Variants in TTC28 observed in about 807,000 individuals in gnomAD.
TTC28 encodes the protein tetratricopeptide repeat protein 28.
TTC28 carries 61 observed loss-of-function variants against 198.0 expected under a neutral mutation model. The ratio of observed to expected loss-of-function variants is 0.31; its 90% CI spans 0.25 to 0.38. The LOEUF (loss-of-function observed/expected upper bound fraction) is 0.38. Among genes scored for constraint, TTC28 ranks in the 10% least tolerant of loss-of-function variants. The probability of loss-of-function intolerance (pLI) is 1.00; values close to 1 mark genes in which losing one functional copy is unlikely to be tolerated. For missense variants in TTC28, 2,678 were observed against 3,164.0 expected (o/e 0.85, Z 3.69); for synonymous variants, 1,171 against 1,297.8 (o/e 0.90, Z 2.10).
chr22:28,033,377 T>C (rs1246712303), intron 12 of TTC28, among the ~76,000 whole-genome samples: 1 of 152,196 alleles, frequency 6.6e-6, no homozygotes, highest in Non-Finnish European at 1.5e-5. Context: ...TGCACCCATT[T>C]CTCTGAGTGA....
chr22:28,645,234 G>A (rs901418008), intron 1 of TTC28, among the ~76,000 whole-genome samples: 4 of 151,984 alleles, frequency 2.6e-5, no homozygotes, highest in Non-Finnish European at 5.9e-5. Flanking sequence ...TCCAGTTCAA[G>A]GGCATAACCA....
chr22:28,426,453 A>G (rs1417188835), intron 2 of TTC28, among the ~76,000 whole-genome samples: 1 of 152,164 alleles, frequency 6.6e-6, no homozygotes, highest in Non-Finnish European at 1.5e-5. Context: ...CTATCTTTAT[A>G]TAGTTTAGTT....
At chr22:28,278,891 G>A (rs779329182) in intron 5 of TTC28, among the ~76,000 whole-genome samples, 7 of 152,016 alleles carry the variant, frequency 4.6e-5, no homozygotes, top group South Asian at 2.1e-4. Flanking sequence ...TAGGATATGC[G>A]GGGTACGTAC....
chr22:28,502,584 C>T (rs2048552209), intron 2 of TTC28, among the ~76,000 whole-genome samples: 4 of 151,662 alleles, frequency 2.6e-5, no homozygotes, highest in Admixed American at 2.6e-4. Context: ...GGAGGCAGAG[C>T]TTGCAGTGAG....
chr22:28,528,984 C>G (rs760415460), intron 2 of TTC28, among the ~76,000 whole-genome samples: 41 of 152,298 alleles, frequency 2.7e-4, no homozygotes, highest in Non-Finnish European at 4.9e-4. Flanking sequence ...CTCCAGTCTA[C>G]AGCCCCCAGT....
At chr22:28,185,705 TA>T (rs1415937936) in intron 5 of TTC28, among the ~76,000 whole-genome samples, 1 of 151,942 alleles carries the variant, frequency 6.6e-6, no homozygotes, top group Non-Finnish European at 1.5e-5. Flanking sequence ...TATTAAAATG[TA>T]AAAAAAAGTA....
intron 2 of TTC28, among the ~76,000 whole-genome samples, chr22:28,556,558 T>C (rs1389856269): frequency 6.6e-6 from 1 of 152,204 alleles, no homozygotes; most frequent in Non-Finnish European, 1.5e-5. Context: ...TTTTAAGATT[T>C]TTCTCATTGT....
chr22:28,340,107 C>A (rs969121889), intron 2 of TTC28, among the ~76,000 whole-genome samples: 5 of 152,158 alleles, frequency 3.3e-5, no homozygotes, highest in Non-Finnish European at 7.4e-5. Context: ...ACTGTTCTCC[C>A]TGATCACACT....
chr22:28,643,606 C>CCA (rs2051404481), intron 1 of TTC28, among the ~76,000 whole-genome samples: 1 of 152,130 alleles, frequency 6.6e-6, no homozygotes, highest in Admixed American at 6.5e-5. Context: ...AATTCCTCAC[C>CCA]CACATCTTTG....
intron 6 of TTC28, among the ~76,000 whole-genome samples, chr22:28,151,418 G>A (rs549339158): frequency 9.2e-5 from 14 of 152,178 alleles, no homozygotes; most frequent in African/African-American, 1.2e-4. Context: ...AGCCTCTCTT[G>A]CAACAGTCCA....
In TTC28 at chr22:28,483,477, A is replaced by C. The variant is rs1016118009; in HGVS notation, c.381+146075T>G. ...TTAATGAAACATTATTTCTTTCATG[A>C]CATTTTCCAAAGCACTTTCATCTTT... On this transcript the variant is annotated intron_variant, in intron 2 of 22. Coordinates refer to ENST00000397906, the MANE Select transcript of TTC28 (RefSeq NM_001145418.2). Among the ~76,000 whole-genome samples, 14 of 152,290 alleles carry C rather than the reference A, an allele frequency of 9.2e-5. No individual in the cohort carries two copies. In the Middle Eastern group the frequency reaches 0.01, roughly 111 times the overall value.
chr22:28,487,427 A>T, intron 2 of TTC28, among the ~76,000 whole-genome samples: 1 of 151,932 alleles, frequency 6.6e-6, no homozygotes, highest in East Asian at 1.9e-4. Context: ...ATGCATATAT[A>T]AATTTTAATA....
At chr22:28,658,054 A>G (rs1053793287) in intron 1 of TTC28, among the ~76,000 whole-genome samples, 2 of 152,218 alleles carry the variant, frequency 1.3e-5, no homozygotes, top group African/African-American at 4.8e-5. Context: ...ACATAATAAT[A>G]TGCATTTCTA....
intron 2 of TTC28, among the ~76,000 whole-genome samples, chr22:28,559,596 T>C (rs1374942172): frequency 6.6e-6 from 1 of 152,316 alleles, no homozygotes; most frequent in Non-Finnish European, 1.5e-5. Flanking sequence ...ACCTACAGTC[T>C]TGCCTCTCTG....
chr22:28,462,552 C>A (rs1192693264), intron 2 of TTC28, among the ~76,000 whole-genome samples: 2 of 152,120 alleles, frequency 1.3e-5, no homozygotes, highest in Non-Finnish European at 2.9e-5. Flanking sequence ...TTTCCCCATC[C>A]CCACCTTTCC....
chr22:28,676,920 CGAG>C (rs1204498918), intron 1 of TTC28, among the ~76,000 whole-genome samples: 1 of 151,062 alleles, frequency 6.6e-6, no homozygotes, highest in Non-Finnish European at 1.5e-5. Context: ...CTTGGGAGCC[CGAG>C]GAGGGTGGAT....
chr22:28,054,012 CACTT>C (rs1360564424), intron 12 of TTC28, among the ~76,000 whole-genome samples: 1 of 152,186 alleles, frequency 6.6e-6, no homozygotes, highest in Non-Finnish European at 1.5e-5. Flanking sequence ...ATCCCTGACA[CACTT>C]AGTGAGTCAG....
intron 2 of TTC28, among the ~76,000 whole-genome samples, chr22:28,505,711 G>A (rs987905217): frequency 1.3e-5 from 2 of 152,146 alleles, no homozygotes; most frequent in South Asian, 2.1e-4. Flanking sequence ...AGAATCCCCC[G>A]CAAGGCAGAA....
chr22:27,996,176 G>A lies in TTC28; in HGVS notation c.5203C>T (p.Pro1735Ser). Residue 1735 changes from proline (P) to serine (S), a missense_variant, in exon 17 of 23, where the codon CCG becomes TCG. By Grantham distance (74) the Pro-to-Ser change is moderately conservative. This residue lies in a region of TTC28 where 314 missense variants were observed against 442.7 expected (regional missense o/e 0.71). Transcript: ENST00000397906. ...CGCAGGGCGTCCCGCGCACGCTCCG[G>A]GTGCTGCAGGATCTCTGTGAGGGCC... ...GQALTEILQH[P>S]ERARDALRVL... 6.4e-7 allele frequency: 1 copy of A among 1,551,118 alleles called. No individual in the cohort carries two copies. The highest frequency in any genetic ancestry group is 1.4e-5 in the African/African-American group (1 of 73,194).
Sources: allele counts gnomAD v4.1 joint callset (sites outside exome capture counted in the v4.1 genomes callset), GRCh38; gene constraint gnomAD v4.1.1; regional missense constraint gnomAD v4.1.1; transcripts MANE v1.5; gene names NCBI Gene and HGNC (gene_info 2026-07-23, HGNC 2026-07-21).